CD300LD: variants seen among roughly 807,000 people sequenced by gnomAD.
CD300LD encodes the protein CMRF35-like molecule 5.
In CD300LD, 18 loss-of-function variants were observed where a neutral mutation model predicts 20.3. That is an observed-to-expected ratio of 0.89 (90% CI 0.61 to 1.32). CD300LD has a LOEUF of 1.32. Ranked by LOEUF, CD300LD falls within the 40% of genes most tolerant of loss-of-function variation. CD300LD has a pLI of 0.00. For missense variants in CD300LD, 195 were observed against 226.6 expected, an observed-to-expected ratio of 0.86 and a Z score of 0.90; for synonymous variants, 104 against 90.1, an observed-to-expected ratio of 1.15 and a Z score of -0.87.
intron 1 of CD300LD, among the ~76,000 whole-genome samples, chr17:74,589,387 C>T (rs60605430): frequency 0.034 from 5,198 of 152,238 alleles, 213 homozygotes; most frequent in African/African-American, 0.094. Flanking sequence ...ATCTCCATTT[C>T]GCCATACAGT....
At chr17:74,582,566 C>T (rs1375722536) in intron 2 of CD300LD, among the ~76,000 whole-genome samples, 1 of 152,248 alleles carries the variant, frequency 6.6e-6, no homozygotes, top group East Asian at 1.9e-4. Context: ...TTAGCACACT[C>T]GATAGCATTC....
chr17:74,583,838 T>G (rs987147148), intron 2 of CD300LD, among the ~76,000 whole-genome samples: 11 of 148,764 alleles, frequency 7.4e-5, no homozygotes, highest in Admixed American at 3.4e-4. Flanking sequence ...CTGCAACCAC[T>G]GCCTCCCAGG....
chr17:74,579,737 T>C lies in CD300LD; in HGVS notation c.*265A>G. ...CATCTCTACAAAAAAATTTAAAAATTAGCTGGGGGTGGTGGCATGTGCCTG... is the reference window on the plus strand; with the variant it reads ...CATCTCTACAAAAAAATTTAAAAATCAGCTGGGGGTGGTGGCATGTGCCTG... On this transcript the variant is annotated 3_prime_UTR_variant, in exon 4 of 4. Transcript: ENST00000375352. 1 of 227,084 alleles carries C rather than the reference T, an allele frequency of 4.4e-6. No individual in the cohort carries two copies. The highest frequency in any genetic ancestry group is 8.9e-6 in the Non-Finnish European group (1 of 112,562). The allele number at this position is 227,084 out of a possible 1,614,324, so 14.1% of individuals were successfully genotyped here.
chr17:74,585,329 A>G (rs2030132735), intron 2 of CD300LD, among the ~76,000 whole-genome samples: 1 of 152,116 alleles, frequency 6.6e-6, no homozygotes, highest in Non-Finnish European at 1.5e-5. Context: ...TCTTCTTCTT[A>G]TTCTGCTAGA....
chr17:74,578,675 G>A (rs2029969481), downstream of CD300LD, among the ~76,000 whole-genome samples: 1 of 152,212 alleles, frequency 6.6e-6, no homozygotes, highest in African/African-American at 2.4e-5. Flanking sequence ...CCAGCATTTT[G>A]GAATGAATGA....
At position 74,582,258 on chromosome 17, in the gene CD300LD, T is replaced by C; in HGVS notation, c.433A>G (p.Thr145Ala). 6.2e-7 allele frequency: 1 copy of C among 1,613,926 alleles called. No homozygotes were observed. Among genetic ancestry groups the C allele is most frequent in the Non-Finnish European group, 8.5e-7 (1 of 1,179,868 alleles). The change falls in exon 3 of 4, where the codon ACA becomes GCA. Residue 145 changes from threonine to alanine, a missense_variant. Physicochemically the swap from Thr to Ala is moderately conservative, Grantham distance 58 (BLOSUM62 0). Transcript: ENST00000375352. ...CTGGTCTTCTGGGTGGCTGCAGCTG[T>C]GAAAGCCAGGCTTGCTGTTGTGGTT... is the stretch of plus-strand genomic sequence containing the variant. ...WTTTTASLAF[T>A]AAATQKTSSP...
chr17:74,579,655 G>A lies in CD300LD; in HGVS notation c.*347C>T, dbSNP rs568531260. 34 of 173,708 alleles carry A rather than the reference G, an allele frequency of 2.0e-4. No individual in the cohort carries two copies. Among genetic ancestry groups the A allele is most frequent in the Admixed American group, 4.7e-4 (8 of 16,852 alleles). 10.8% of individuals were successfully genotyped at this position (173,708 alleles called of 1,614,324 possible). ...ATCCCACCACTTTGGGAGGCGAAGC[G>A]GGAGGATCTCTTGAGGTCAAGAGTT... On this transcript the variant is annotated 3_prime_UTR_variant, in exon 4 of 4. Transcript: ENST00000375352.
At chr17:74,588,143 G>T (rs2030211557) in intron 2 of CD300LD, among the ~76,000 whole-genome samples, 1 of 152,196 alleles carries the variant, frequency 6.6e-6, no homozygotes, top group Admixed American at 6.5e-5. Context: ...GGTGGCTCCA[G>T]GCACCTCGTG....
chr17:74,590,330 G>T (rs1472406437), intron 1 of CD300LD, among the ~76,000 whole-genome samples: 1 of 152,098 alleles, frequency 6.6e-6, no homozygotes, highest in East Asian at 1.9e-4. Context: ...AATTTACTCA[G>T]TCTCGGGTAT....
Position 74,588,505 on chromosome 17 carries a change from T to C in CD300LD, c.379+6A>G, listed in dbSNP as rs558792867. ...GAGACACACACGTATATACACTCCC[T>C]CTTACCTGGGTTAATGGTCACTTGA... On this transcript the variant is annotated splice_donor_region_variant and intron_variant, in intron 2 of 3. Coordinates refer to ENST00000375352, the MANE Select transcript of CD300LD (RefSeq NM_001115152.2). 2.3e-5 allele frequency: 37 copies of C among 1,594,744 alleles called. No individual in the cohort carries two copies. The African/African-American group carries it at 4.0e-4, about 17-fold the overall frequency.
chr17:74,587,522 A>G (rs1427314192), intron 2 of CD300LD, among the ~76,000 whole-genome samples: 3 of 152,218 alleles, frequency 2.0e-5, no homozygotes, highest in Non-Finnish European at 4.4e-5. Context: ...CAGAAAACAT[A>G]TCTCATTTCA....
chr17:74,588,849 C>A lies in CD300LD; in HGVS notation c.41G>T (p.Gly14Val). Residue 14 changes from glycine (G) to valine (V), a missense_variant and splice_region_variant, in exon 2 of 4, where the codon GGT (glycine) becomes GTT (valine). Physicochemically the swap from Gly to Val is moderately radical, Grantham distance 109 (BLOSUM62 -3). Coordinates refer to ENST00000375352, the MANE Select transcript of CD300LD (RefSeq NM_001115152.2). ...AGTGATTTTAGCGGCAATGGAGTAA[C>A]CTGGAAAACGCAAATTCATGTGTCG... ...SPSLLLLILP[G>V]YSIAAKITGP... The A allele has an allele frequency of 4.4e-6, 7 of 1,602,048 alleles. No homozygotes were observed. Among genetic ancestry groups the A allele is most frequent in the Non-Finnish European group, 6.0e-6 (7 of 1,170,732 alleles).
chr17:74,582,235 G>C lies in CD300LD; in HGVS notation c.456C>G (p.Thr152=). The C allele has an allele frequency of 1.9e-6, 3 of 1,613,778 alleles. No homozygotes were observed. The highest frequency in any genetic ancestry group is 2.5e-6 in the Non-Finnish European group (3 of 1,179,818). Residue 152 remains threonine, a synonymous_variant, in exon 3 of 4, where the codon ACC becomes ACG. Transcript: ENST00000375352. ...LAFTAAATQK[T]SSPLTRSPLK... ...CCACCTACCTGGTGAGGGGGCTGCT[G>C]GTCTTCTGGGTGGCTGCAGCTGTGA...
chr17:74,591,991 C>G, intron 1 of CD300LD, 172 bp downstream of exon 1: 1 of 1,539,188 alleles, frequency 6.5e-7, no homozygotes, highest in African/African-American at 1.4e-5. Context: ...CAGCATCTAA[C>G]ACAGAACCTG....
At chr17:74,583,749 C>CTTTT (rs34787485) in intron 2 of CD300LD, among the ~76,000 whole-genome samples, 3 of 98,032 alleles carry the variant, frequency 3.1e-5, no homozygotes, top group African/African-American at 4.4e-5. Context: ...GAGTATTTCA[C>CTTTT]TTTTTTTTTT....
chr17:74,587,312 T>A (rs2030187812), intron 2 of CD300LD, among the ~76,000 whole-genome samples: 1 of 152,232 alleles, frequency 6.6e-6, no homozygotes, highest in Admixed American at 6.5e-5. Context: ...AGTTTGTGCC[T>A]TTCAAGGATG....
At chr17:74,592,019 G>C in intron 1 of CD300LD, 144 bp downstream of exon 1, 1 of 1,567,498 alleles carries the variant, frequency 6.4e-7, no homozygotes, top group South Asian at 1.2e-5. Flanking sequence ...ACAAAAACTT[G>C]ATTGCTATTT....
intron 2 of CD300LD, among the ~76,000 whole-genome samples, chr17:74,585,384 T>C (rs2030133851): frequency 6.6e-6 from 1 of 152,172 alleles, no homozygotes; most frequent in Non-Finnish European, 1.5e-5. Context: ...AAAAATATTT[T>C]GTCCCACCCA....
In CD300LD at chr17:74,580,012, C is replaced by T. The variant is rs535491493; in HGVS notation, c.575G>A (p.Arg192Lys). Residue 192 changes from arginine (R) to lysine (K), a missense_variant, in exon 4 of 4, where the codon AGA (arginine) becomes AAA (lysine). Transcript: ENST00000375352. The part of the protein sequence containing the change: ...GTVLWVNRPQ[R>K]RS ...CTGACTCCTCCTCCTTCAAGACCTT[C>T]TTTGTGGTCTGTTTACCCAGAGGAC... The T allele has an allele frequency of 1.2e-6, 2 of 1,610,050 alleles. No individual in the cohort carries two copies. Among genetic ancestry groups the T allele is most frequent in the Admixed American group, 1.7e-5 (1 of 59,734 alleles).
Sources: gnomAD v4.1 joint callset for allele counts (sites outside exome capture counted in the v4.1 genomes callset) on GRCh38, gnomAD v4.1.1 for gene constraint, MANE v1.5 for transcripts, NCBI Gene and HGNC (gene_info 2026-07-23, HGNC 2026-07-21) for gene names.